The following TCF7L1 variants were observed in gnomAD, a reference collection of about 807,000 sequenced individuals.
TCF7L1 encodes the protein transcription factor 7-like 1.
A neutral mutation model predicts 63.7 loss-of-function variants in TCF7L1; 18 were observed. The ratio of observed to expected loss-of-function variants is 0.28; its 90% CI spans 0.20 to 0.42. TCF7L1 has a LOEUF of 0.42. Ranked by LOEUF, TCF7L1 falls within the 10% of genes least tolerant of loss-of-function variation. The pLI, the probability that TCF7L1 is intolerant of heterozygous loss-of-function variation, is 1.00. For synonymous variants in TCF7L1, 355 were observed against 340.9 expected (o/e 1.04, Z -0.46); for missense variants, 654 against 779.3 (o/e 0.84, Z 1.91).
At chr2:85,283,419 G>A (rs1286534216) in intron 3 of TCF7L1, 76 bp from the exon 4 acceptor site, 3 of 1,546,010 alleles carry the variant, frequency 1.9e-6, no homozygotes, top group African/African-American at 2.7e-5. Flanking sequence ...TGCCCTAACA[G>A]CAGAGCCCAG....
At chr2:85,139,243 G>A (rs534918380) in intron 3 of TCF7L1, among the ~76,000 whole-genome samples, 2 of 152,232 alleles carry the variant, frequency 1.3e-5, no homozygotes, top group South Asian at 2.1e-4. Context: ...TCCTGACCTC[G>A]TGATCCACCT....
Position 85,222,550 on chromosome 2 carries a change from G to A in TCF7L1, c.442-60945G>A, listed in dbSNP as rs187565911. Reference sequence around the variant, plus strand: ...CCCGGCACAGGGGTATGCACCTGTCGTCCCAGCTACTTGGGAGGCTGAGTT... The same window carrying A: ...CCCGGCACAGGGGTATGCACCTGTCATCCCAGCTACTTGGGAGGCTGAGTT... On this transcript the variant is annotated intron_variant, in intron 3 of 11. Coordinates refer to ENST00000282111, the MANE Select transcript of TCF7L1 (RefSeq NM_031283.3). Among the ~76,000 whole-genome samples the A allele has an allele frequency of 5.0e-3, 739 of 148,020 alleles. 5 individuals are homozygous for A. Among genetic ancestry groups the A allele is most frequent in the Non-Finnish European group, 4.9e-3 (328 of 67,256 alleles).
chr2:85,277,743 G>T (rs78289477), intron 3 of TCF7L1, among the ~76,000 whole-genome samples: 5,138 of 152,288 alleles, frequency 0.034, 294 homozygotes, highest in African/African-American at 0.12. Flanking sequence ...GAGCTGACTT[G>T]TTTTCCTTGC....
At chr2:85,259,839 GA>G (rs1335185930) in intron 3 of TCF7L1, among the ~76,000 whole-genome samples, 1 of 152,082 alleles carries the variant, frequency 6.6e-6, no homozygotes, top group Non-Finnish European at 1.5e-5. Flanking sequence ...ATGAGGAAAG[GA>G]AAAAGGAGGG....
intron 3 of TCF7L1, among the ~76,000 whole-genome samples, chr2:85,145,765 G>A (rs1677866667): frequency 6.6e-6 from 1 of 152,202 alleles, no homozygotes; most frequent in African/African-American, 2.4e-5. Flanking sequence ...ACTCTACAGT[G>A]GTAAAGCTTC....
intron 3 of TCF7L1, among the ~76,000 whole-genome samples, chr2:85,202,225 A>T (rs1679288206): frequency 1.3e-5 from 2 of 152,120 alleles, no homozygotes; most frequent in Admixed American, 1.3e-4. Context: ...GGACCCCCCA[A>T]AGTGCTGGGA....
chr2:85,168,524 TGCCGAGTCTGAGC>T (rs1473955766), intron 3 of TCF7L1, among the ~76,000 whole-genome samples: 2 of 151,872 alleles, frequency 1.3e-5, no homozygotes, highest in East Asian at 3.9e-4. Flanking sequence ...AGCTGGGTGC[TGCCGAGTCTGAGC>T]ACCATCCACC....
intron 3 of TCF7L1, among the ~76,000 whole-genome samples, chr2:85,141,309 G>A (rs1372467033): frequency 6.6e-6 from 1 of 152,326 alleles, no homozygotes; most frequent in Non-Finnish European, 1.5e-5. Context: ...TGGTGCCCAT[G>A]GAGGGAAGTG....
intron 3 of TCF7L1, among the ~76,000 whole-genome samples, chr2:85,145,492 C>T (rs529414105): frequency 3.4e-4 from 52 of 152,348 alleles, no homozygotes; most frequent in Non-Finnish European, 7.2e-4. Flanking sequence ...TTTGGGACTA[C>T]ACTCCCCTCT....
At chr2:85,199,065 G>A (rs1224854723) in intron 3 of TCF7L1, among the ~76,000 whole-genome samples, 1 of 152,200 alleles carries the variant, frequency 6.6e-6, no homozygotes, top group African/African-American at 2.4e-5. Context: ...CCCAGACTGT[G>A]AGGCTCCACC....
intron 3 of TCF7L1, among the ~76,000 whole-genome samples, chr2:85,243,029 TC>T (rs1680374430): frequency 1.3e-5 from 2 of 152,228 alleles, no homozygotes; most frequent in Admixed American, 6.5e-5. Flanking sequence ...AAGTAACTGT[TC>T]AATTGGCTTC....
At chr2:85,308,994 A>G in intron 11 of TCF7L1, 35 bp from the exon 12 acceptor site, 3 of 1,551,608 alleles carry the variant, frequency 1.9e-6, no homozygotes, top group Non-Finnish European at 1.7e-6. Context: ...TCACAGAGCT[A>G]TAGCTGCTCA....
At chr2:85,296,461 A>G (rs1438017012) in intron 4 of TCF7L1, among the ~76,000 whole-genome samples, 1 of 152,212 alleles carries the variant, frequency 6.6e-6, no homozygotes, top group Non-Finnish European at 1.5e-5. Flanking sequence ...CCTTTGTCCC[A>G]GTATTAGTGA....
At chr2:85,192,800 G>A (rs544529149) in intron 3 of TCF7L1, among the ~76,000 whole-genome samples, 10 of 151,212 alleles carry the variant, frequency 6.6e-5, no homozygotes, top group South Asian at 2.1e-4. Flanking sequence ...TCAGCCTCCC[G>A]AGTAAGTGGG....
At chr2:85,268,067 G>A (rs1013547946) in intron 3 of TCF7L1, among the ~76,000 whole-genome samples, 3 of 152,170 alleles carry the variant, frequency 2.0e-5, no homozygotes, top group African/African-American at 7.2e-5. Context: ...ATTAACTGTA[G>A]GGGAAAATAT....
At chr2:85,305,699 T>A (rs1165858183) in intron 8 of TCF7L1, among the ~76,000 whole-genome samples, 1 of 152,076 alleles carries the variant, frequency 6.6e-6, no homozygotes, top group Non-Finnish European at 1.5e-5. Flanking sequence ...GTAAGATATA[T>A]GAAAAGGTGA....
chr2:85,264,816 A>G (rs910999143), intron 3 of TCF7L1, among the ~76,000 whole-genome samples: 1 of 152,152 alleles, frequency 6.6e-6, no homozygotes, highest in African/African-American at 2.4e-5. Context: ...ACCCAGAAAG[A>G]AGGCATGTAA....
intron 3 of TCF7L1, among the ~76,000 whole-genome samples, chr2:85,253,099 A>G (rs532168864): frequency 1.2e-4 from 18 of 152,334 alleles, no homozygotes; most frequent in African/African-American, 4.1e-4. Flanking sequence ...CAATAAGACT[A>G]TGGAACAACA....
At chr2:85,294,025 G>GTT (rs1558658876) in intron 4 of TCF7L1, among the ~76,000 whole-genome samples, 1 of 70,562 alleles carries the variant, frequency 1.4e-5, no homozygotes. Flanking sequence ...TGAACACTGG[G>GTT]ATTTTTTTTT....
Sources: gnomAD v4.1 joint callset for allele counts (sites outside exome capture counted in the v4.1 genomes callset) on GRCh38, gnomAD v4.1.1 for gene constraint, MANE v1.5 for transcripts, NCBI Gene and HGNC (gene_info 2026-07-23, HGNC 2026-07-21) for gene names.